The following C5orf24 variants were observed in gnomAD, a reference collection of about 807,000 sequenced individuals.
C5orf24 encodes chromosome 5 open reading frame 24.
C5orf24 carries 4 observed loss-of-function variants against 9.8 expected under a neutral mutation model. The ratio of observed to expected loss-of-function variants is 0.41; its 90% CI spans 0.20 to 0.93. C5orf24 has a LOEUF of 0.93. C5orf24 is among the 40% of genes least tolerant of loss of function. The pLI is 0.33. For synonymous variants in C5orf24, 73 were observed against 81.3 expected (o/e 0.90, Z 0.55); for missense variants, 170 against 236.9 (o/e 0.72, Z 1.85).
rs986831474 is a variant in C5orf24, at chr5:134,856,274, A to G, written c.*807A>G. 3.0e-6 allele frequency: 3 copies of G among 995,098 alleles called. No homozygotes were observed. In the African/African-American group the frequency reaches 5.2e-5, roughly 17 times the overall value. The allele number at this position is 995,098 out of a possible 1,614,324, so 61.6% of individuals were successfully genotyped here. ...ATAGCATATTTCATATAATAGAAAA[A>G]GAAGCATTCTCTAGGTTTGCATGTA... is the stretch of plus-strand genomic sequence containing the variant. On this transcript the variant is annotated 3_prime_UTR_variant, in exon 2 of 2. Coordinates refer to ENST00000394976, the MANE Select transcript of C5orf24 (RefSeq NM_001135586.1).
the C5orf24 span, among the ~76,000 whole-genome samples, chr5:134,840,599 T>C: frequency 1.3e-5 from 2 of 152,120 alleles, no homozygotes; most frequent in African/African-American, 4.8e-5. Context: ...AGTCACGTGA[T>C]TACAGCTCAC....
At chr5:134,845,780 C>T (rs562835914), upstream of C5orf24, 1 of 152,270 alleles carries the variant, frequency 6.6e-6, no homozygotes, top group South Asian at 2.1e-4. Flanking sequence ...TTCCTCAACC[C>T]CAGCCACTGG....
At chr5:134,840,305 CAAAAAAAAAAAA>C in the C5orf24 span, among the ~76,000 whole-genome samples, 1 of 53,418 alleles carries the variant, frequency 1.9e-5, no homozygotes, top group African/African-American at 7.1e-5. Context: ...GACTGCATCT[CAAAAAAAAAAAA>C]AAAAAAAAAA....
chr5:134,840,793 C>A (rs1257278872), upstream of C5orf24, among the ~76,000 whole-genome samples: 1 of 152,146 alleles, frequency 6.6e-6, no homozygotes, highest in Non-Finnish European at 1.5e-5. Flanking sequence ...GTTTCGGCCT[C>A]CCAAAGTGCT....
At chr5:134,847,503 C>T (rs560982142) in intron 1 of C5orf24, among the ~76,000 whole-genome samples, 1 of 152,162 alleles carries the variant, frequency 6.6e-6, no homozygotes, top group Non-Finnish European at 1.5e-5. Context: ...ACCATGTTGA[C>T]CAGGCTGGTC....
chr5:134,859,158 G>A lies in C5orf24; in HGVS notation c.*3691G>A, dbSNP rs62380022. On this transcript the variant is annotated 3_prime_UTR_variant, in exon 2 of 2. Transcript: ENST00000394976. ...AGAAGCTTTAAAAGAACAATTCAGG[G>A]GTTATTGATAACTGCTACTCTGTCG... 9.3e-3 allele frequency: 1,555 copies of A among 166,884 alleles called. 12 individuals are homozygous for A. The highest frequency in any genetic ancestry group is 9.6e-3 in the Non-Finnish European group (653 of 68,006). The allele number at this position is 166,884 out of a possible 1,614,324, so 10.3% of individuals were successfully genotyped here.
At position 134,857,590 on chromosome 5, in the gene C5orf24, T is replaced by C; in HGVS notation, c.*2123T>C. ...GCTAAATTGCTACAAGAGCTTTTTC[T>C]TGCAAAAGCTTAAAATACAAGATTT... On this transcript the variant is annotated 3_prime_UTR_variant, in exon 2 of 2. Coordinates refer to ENST00000394976, the MANE Select transcript of C5orf24 (RefSeq NM_001135586.1). The C allele has an allele frequency of 1.6e-6, 1 of 610,244 alleles. No individual in the cohort carries two copies. The highest frequency in any genetic ancestry group is 2.5e-6 in the Non-Finnish European group (1 of 397,908). 37.8% of individuals were successfully genotyped at this position (610,244 alleles called of 1,614,324 possible).
rs1409707025 is a variant in C5orf24, at chr5:134,857,161, T to A, written c.*1694T>A. 3.0e-5 allele frequency: 39 copies of A among 1,320,656 alleles called. No homozygotes were observed. Among genetic ancestry groups the A allele is most frequent in the Non-Finnish European group, 3.8e-5 (39 of 1,025,188 alleles). 81.8% of individuals were successfully genotyped at this position (1,320,656 alleles called of 1,614,324 possible). On this transcript the variant is annotated 3_prime_UTR_variant, in exon 2 of 2. Coordinates refer to ENST00000394976, the MANE Select transcript of C5orf24 (RefSeq NM_001135586.1). ...ATTATAAACTTCAGACTTGAAAAAA[T>A]TCCACTTAACTTTAAAGTTACAATG...
chr5:134,836,136 T>C, the C5orf24 span, among the ~76,000 whole-genome samples: 4 of 151,610 alleles, frequency 2.6e-5, no homozygotes, highest in African/African-American at 9.7e-5. Flanking sequence ...ATTTATTTTT[T>C]ACATCCTGAT....
chr5:134,857,286 GT>G lies in C5orf24; in HGVS notation c.*1825del. On this transcript the variant is annotated 3_prime_UTR_variant, in exon 2 of 2. Coordinates refer to ENST00000394976, the MANE Select transcript of C5orf24 (RefSeq NM_001135586.1). ...AAAATTTTAAAAGAGCACATGTTGT[GT>G]TTTTTGGGCTTGCTATTAATGCAAA... 10 of 1,474,042 alleles carry G rather than the reference GT, an allele frequency of 6.8e-6. No individual in the cohort carries two copies. The highest frequency in any genetic ancestry group is 5.1e-5 in the East Asian group (2 of 38,846). 91.3% of individuals were successfully genotyped at this position (1,474,042 alleles called of 1,614,324 possible).
At chr5:134,850,622 A>C (rs1021676697) in intron 1 of C5orf24, among the ~76,000 whole-genome samples, 1 of 151,444 alleles carries the variant, frequency 6.6e-6, no homozygotes, top group African/African-American at 2.4e-5. Flanking sequence ...ACAGGCGTGC[A>C]CCACTACACC....
the C5orf24 span, among the ~76,000 whole-genome samples, chr5:134,835,978 C>T: frequency 6.6e-6 from 1 of 151,936 alleles, no homozygotes; most frequent in Non-Finnish European, 1.5e-5. Context: ...TGAGCCACCG[C>T]ACCTGGATTT....
At chr5:134,848,965 A>G (rs1437745832) in intron 1 of C5orf24, among the ~76,000 whole-genome samples, 2 of 151,138 alleles carry the variant, frequency 1.3e-5, no homozygotes, top group Admixed American at 1.3e-4. Flanking sequence ...CTCAAAAAAA[A>G]AAAAAAAAGA....
intron 1 of C5orf24, among the ~76,000 whole-genome samples, chr5:134,849,985 G>A (rs1272622748): frequency 6.6e-6 from 1 of 151,794 alleles, no homozygotes; most frequent in Admixed American, 6.6e-5. Context: ...TCTTTCCATT[G>A]GAATAAATAG....
At chr5:134,835,128 C>G in the C5orf24 span, among the ~76,000 whole-genome samples, 1 of 151,922 alleles carries the variant, frequency 6.6e-6, no homozygotes, top group South Asian at 2.1e-4. Context: ...ACTGCTCGAG[C>G]CCAGGAGGCA....
rs1756277452 is a variant in C5orf24 at position 134,855,166 on chromosome 5, A to G, written c.266A>G (p.Lys89Arg). ...KKKKNLNRSG[K>R]RGRPSGTTKS... is the part of the protein sequence containing the mutation. ...AAGAAGAATCTCAACCGATCTGGTA[A>G]GCGTGGCCGGCCTTCGGGAACCACC... Residue 89 changes from lysine (K) to arginine (R), a missense_variant, in exon 2 of 2, where the codon AAG becomes AGG. Physicochemically the swap from Lys to Arg is conservative, Grantham distance 26. Transcript: ENST00000394976. The G allele has an allele frequency of 6.2e-7, 1 of 1,614,092 alleles. No homozygotes were observed. The highest frequency in any genetic ancestry group is 1.3e-5 in the African/African-American group (1 of 74,938).
chr5:134,839,589 A>G, the C5orf24 span, among the ~76,000 whole-genome samples: 16 of 152,252 alleles, frequency 1.1e-4, no homozygotes, highest in Admixed American at 3.3e-4. Context: ...GAATATGTCA[A>G]TACTGCTTTT....
upstream of C5orf24, among the ~76,000 whole-genome samples, chr5:134,845,278 T>TG (rs1755962259): frequency 6.6e-6 from 1 of 152,112 alleles, no homozygotes; most frequent in South Asian, 2.1e-4. Context: ...TATCCTTCAT[T>TG]ACATGGGGGA....
the C5orf24 span, among the ~76,000 whole-genome samples, chr5:134,837,073 A>G: frequency 1.3e-5 from 2 of 151,996 alleles, no homozygotes; most frequent in African/African-American, 4.8e-5. Context: ...TCCCAGGTTC[A>G]AGTGATTTAC....
Sources: allele counts gnomAD v4.1 joint callset (sites outside exome capture counted in the v4.1 genomes callset), GRCh38; gene constraint gnomAD v4.1.1; transcripts MANE v1.5; gene names NCBI Gene and HGNC (gene_info 2026-07-23, HGNC 2026-07-21).